The following BORCS5 variants were observed in gnomAD, a reference collection of about 807,000 sequenced individuals.
BORCS5 encodes the protein BLOC-1 related complex subunit 5, also known as BLOC-1-related complex subunit 5.
A neutral mutation model predicts 22.1 loss-of-function variants in BORCS5; 17 were observed. The observed-to-expected ratio is 0.77, with a 90% CI of 0.53 to 1.15. BORCS5 has a LOEUF of 1.15. Ranked by LOEUF, BORCS5 falls within the 50% of genes most tolerant of loss-of-function variation. BORCS5 has a pLI of 0.00. For synonymous variants in BORCS5, 117 were observed against 99.8 expected, an observed-to-expected ratio of 1.17 and a Z score of -1.03; for missense variants, 247 against 253.2, an observed-to-expected ratio of 0.98 and a Z score of 0.17.
In BORCS5 at chr12:12,446,315, G is replaced by A. The variant is rs1222125784; in HGVS notation, c.360+10530G>A. On this transcript the variant is annotated intron_variant, in intron 3 of 3. Transcript: ENST00000314565. Reference sequence around the variant, plus strand: ...CAGTAGGGTAGAAATTTTACATGGGGTGACACAGAAGGCCTTCCCAGAAAG... The same window carrying A: ...CAGTAGGGTAGAAATTTTACATGGGATGACACAGAAGGCCTTCCCAGAAAG... Among the ~76,000 whole-genome samples the A allele has an allele frequency of 2.6e-5, 4 of 152,094 alleles. 1 individual carries two copies. In the South Asian group the frequency reaches 6.2e-4, roughly 24 times the overall value.
intron 2 of BORCS5, among the ~76,000 whole-genome samples, chr12:12,430,587 G>A (rs958292106): frequency 6.6e-6 from 1 of 151,964 alleles, no homozygotes; most frequent in Non-Finnish European, 1.5e-5. Context: ...TCATAGATGA[G>A]GAAAAACCTC....
intron 2 of BORCS5, among the ~76,000 whole-genome samples, chr12:12,396,207 A>G (rs10743983): frequency 0.41 from 62,413 of 151,986 alleles, 13,345 homozygotes; most frequent in Non-Finnish European, 0.46. Flanking sequence ...GGCTGGTTTC[A>G]AACTCCTGAC....
intron 2 of BORCS5, among the ~76,000 whole-genome samples, chr12:12,418,102 C>T (rs1300407910): frequency 1.3e-5 from 2 of 151,582 alleles, no homozygotes; most frequent in African/African-American, 4.8e-5. Flanking sequence ...CAGCTCACTG[C>T]AAGGTCTGCC....
At chr12:12,436,621 G>T (rs1262243764) in intron 3 of BORCS5, among the ~76,000 whole-genome samples, 1 of 137,796 alleles carries the variant, frequency 7.3e-6, no homozygotes, top group Non-Finnish European at 1.6e-5. Flanking sequence ...TAACAAAGTG[G>T]CCCTTTAACT....
At chr12:12,424,963 G>T (rs1041527919) in intron 2 of BORCS5, among the ~76,000 whole-genome samples, 1 of 152,238 alleles carries the variant, frequency 6.6e-6, no homozygotes, top group East Asian at 1.9e-4. Context: ...TCACTTCAGC[G>T]TGAGTGGGAA....
At chr12:12,373,396 A>G (rs1318263753) in intron 2 of BORCS5, among the ~76,000 whole-genome samples, 1 of 152,234 alleles carries the variant, frequency 6.6e-6, no homozygotes, top group African/African-American at 2.4e-5. Context: ...CCTTTAGGTA[A>G]TAAGCTGGGA....
intron 3 of BORCS5, among the ~76,000 whole-genome samples, chr12:12,454,531 G>T (rs372824158): frequency 1.7e-4 from 26 of 152,336 alleles, no homozygotes; most frequent in Middle Eastern, 3.4e-3. Context: ...CCTAGGGACA[G>T]TACTGATTTA....
chr12:12,368,312 C>G (rs1340890547), intron 2 of BORCS5, among the ~76,000 whole-genome samples: 1 of 151,190 alleles, frequency 6.6e-6, no homozygotes, highest in Non-Finnish European at 1.5e-5. Context: ...TGGTTAGTCT[C>G]TATTCCTCTC....
At chr12:12,363,325 C>T (rs965479103) in intron 2 of BORCS5, among the ~76,000 whole-genome samples, 10 of 150,842 alleles carry the variant, frequency 6.6e-5, no homozygotes, top group South Asian at 2.1e-4. Context: ...GCCGGCCAGG[C>T]GCTGCGGCTC....
intron 2 of BORCS5, among the ~76,000 whole-genome samples, chr12:12,367,275 A>T (rs1319497573): frequency 6.6e-6 from 1 of 152,202 alleles, no homozygotes; most frequent in Non-Finnish European, 1.5e-5. Flanking sequence ...GGACAAATAA[A>T]AGTCTTTGCA....
intron 2 of BORCS5, among the ~76,000 whole-genome samples, chr12:12,423,973 A>T (rs1942211813): frequency 6.6e-6 from 1 of 152,216 alleles, no homozygotes; most frequent in Non-Finnish European, 1.5e-5. Flanking sequence ...TACAGGCGTG[A>T]GCCAGTGTGC....
chr12:12,406,013 A>C (rs970386590), intron 2 of BORCS5, among the ~76,000 whole-genome samples: 4 of 152,250 alleles, frequency 2.6e-5, no homozygotes, highest in African/African-American at 4.8e-5. Flanking sequence ...TTGCACGGCA[A>C]ACAATGCTGG....
intron 2 of BORCS5, among the ~76,000 whole-genome samples, chr12:12,422,119 C>T (rs1185231684): frequency 6.6e-6 from 1 of 151,926 alleles, no homozygotes; most frequent in African/African-American, 2.4e-5. Context: ...GTTCTTGCTT[C>T]TTTTAATTGT....
intron 3 of BORCS5, among the ~76,000 whole-genome samples, chr12:12,448,158 AAAG>A (rs1942828446): frequency 6.6e-6 from 1 of 152,156 alleles, no homozygotes; most frequent in African/African-American, 2.4e-5. Context: ...TCGAAACTCT[AAAG>A]CCGCGCTTCC....
chr12:12,403,882 A>G (rs1432885881), intron 2 of BORCS5, among the ~76,000 whole-genome samples: 1 of 152,172 alleles, frequency 6.6e-6, no homozygotes, highest in East Asian at 1.9e-4. Context: ...ATGGCAGGAT[A>G]TATTGTGTAT....
rs1273438184 is a variant in BORCS5, at chr12:12,410,167, T to G, written c.203-25461T>G. ...GTAGGTTGCAAACATTTTCTCCCATTCTGTAGGTTGCCTGTTCACTCTGAT... is the reference window on the plus strand; with the variant it reads ...GTAGGTTGCAAACATTTTCTCCCATGCTGTAGGTTGCCTGTTCACTCTGAT... On this transcript the variant is annotated intron_variant, in intron 2 of 3. Coordinates refer to ENST00000314565, the MANE Select transcript of BORCS5 (RefSeq NM_058169.6). Among the ~76,000 whole-genome samples the G allele has an allele frequency of 2.2e-4, 33 of 152,346 alleles. No individual in the cohort carries two copies. The East Asian group carries it at 4.0e-3, about 19-fold the overall frequency.
chr12:12,460,013 G>A (rs1282048729), intron 3 of BORCS5, among the ~76,000 whole-genome samples: 2 of 152,158 alleles, frequency 1.3e-5, no homozygotes, highest in Admixed American at 6.5e-5. Context: ...TGGCCATTCT[G>A]TGTACTAAGA....
At chr12:12,436,981 C>T (rs1238218655) in intron 3 of BORCS5, among the ~76,000 whole-genome samples, 1 of 152,164 alleles carries the variant, frequency 6.6e-6, no homozygotes, top group Admixed American at 6.5e-5. Flanking sequence ...TATTCATTGG[C>T]ATCATGTGAG....
chr12:12,389,644 T>C (rs1941118101), intron 2 of BORCS5, among the ~76,000 whole-genome samples: 1 of 151,770 alleles, frequency 6.6e-6, no homozygotes, highest in South Asian at 2.1e-4. Flanking sequence ...TTTATTTCGT[T>C]TTATGTATTT....
Sources: allele counts gnomAD v4.1 joint callset (sites outside exome capture counted in the v4.1 genomes callset), GRCh38; gene constraint gnomAD v4.1.1; transcripts MANE v1.5; gene names NCBI Gene and HGNC (gene_info 2026-07-23, HGNC 2026-07-21).